ANK2: variants seen among roughly 807,000 people sequenced by gnomAD.
ANK2 encodes ankyrin 2.
ANK2 carries 83 observed loss-of-function variants against 360.5 expected under a neutral mutation model. The observed-to-expected ratio is 0.23, with a 90% CI of 0.19 to 0.28. The LOEUF is 0.28. ANK2 is among the 10% of genes least tolerant of loss of function. ANK2 has a pLI of 1.00. For synonymous variants in ANK2, 1,740 were observed against 1,759.5 expected (o/e 0.99, Z 0.28); for missense variants, 4,201 against 4,795.7 (o/e 0.88, Z 3.66).
intron 1 of ANK2, among the ~76,000 whole-genome samples, chr4:113,149,862 G>A (rs2096972728): frequency 1.1e-5 from 1 of 89,944 alleles, no homozygotes; most frequent in Non-Finnish European, 1.9e-5. Context: ...GCGTGAGAGT[G>A]AGACCCTGCC....
intron 1 of ANK2, among the ~76,000 whole-genome samples, chr4:113,078,713 A>T (rs1488864743): frequency 6.6e-6 from 1 of 152,212 alleles, no homozygotes; most frequent in Non-Finnish European, 1.5e-5. Flanking sequence ...CCTCCCAGGT[A>T]GGCTGAATGC....
intron 3 of ANK2, among the ~76,000 whole-genome samples, chr4:113,196,724 G>A (rs1418698140): frequency 6.6e-6 from 1 of 151,956 alleles, no homozygotes; most frequent in Non-Finnish European, 1.5e-5. Flanking sequence ...TATAAATGAG[G>A]TCTTGCTATG....
At position 113,353,984 on chromosome 4, in the gene ANK2, T is replaced by G. The variant is rs2095574963; in HGVS notation, c.5366T>G (p.Ile1789Ser). The G allele has an allele frequency of 6.2e-7, 1 of 1,613,768 alleles. No individual in the cohort carries two copies. The highest frequency in any genetic ancestry group is 1.3e-5 in the African/African-American group (1 of 74,816). ...DEQKGRSKLP[I>S]RVKGKEDVPK... ...CAGAAAGGTCGAAGCAAGTTGCCCA[T>G]CAGAGTCAAAGGCAAGGAGGACGTG... The change falls in exon 38 of 46, where the codon ATC becomes AGC. Residue 1789 changes from isoleucine (I) to serine (S), a missense_variant. By Grantham distance (142) the Ile-to-Ser change is moderately radical. Coordinates refer to ENST00000357077, the MANE Select transcript of ANK2 (RefSeq NM_001148.6).
rs2069014217 is a variant in ANK2, at chr4:113,293,460, G to T, written c.2397G>T (p.Ala799=). The change falls in exon 22 of 46, where the codon GCG becomes GCT. Residue 799 remains alanine, a synonymous_variant. Transcript: ENST00000357077. ...TTCAGAATGGCAACACTGCCTTGGC[G>T]ATTGCTAAGCGTCTGGGCTACATCT... ...ATTANGNTAL[A]IAKRLGYISV... 6.2e-7 allele frequency: 1 copy of T among 1,613,664 alleles called. No homozygotes were observed. The highest frequency in any genetic ancestry group is 8.5e-7 in the Non-Finnish European group (1 of 1,179,986).
At chr4:113,338,289 T>C (rs1401516751) in intron 31 of ANK2, among the ~76,000 whole-genome samples, 1 of 152,126 alleles carries the variant, frequency 6.6e-6, no homozygotes, top group Non-Finnish European at 1.5e-5. Context: ...TTTGTCCTTA[T>C]CTATGTGATC....
At chr4:113,034,177 A>G (rs1278887293) in intron 2 of ANK2, 1 of 152,018 alleles carries the variant, frequency 6.6e-6, no homozygotes, top group Middle Eastern at 3.2e-3. Flanking sequence ...GAACACCTTA[A>G]GGATGACGAT....
chr4:112,899,198 G>A (rs959927260), intron 1 of ANK2, among the ~76,000 whole-genome samples: 1 of 152,262 alleles, frequency 6.6e-6, no homozygotes, highest in Non-Finnish European at 1.5e-5. Context: ...AATAATGAAA[G>A]TTAGGAAAGT....
intron 5 of ANK2, among the ~76,000 whole-genome samples, chr4:113,233,104 CTGTTTTTTTTTTTTTTTTTTTTT>C (rs2099331357): frequency 1.7e-4 from 5 of 29,302 alleles, no homozygotes; most frequent in African/African-American, 2.8e-4. Flanking sequence ...CTTGGCTTTT[CTGTTTTTTTTTTTTTTTTTTTTT>C]TTTTTTTTTT....
chr4:112,969,345 T>G (rs79527614), intron 2 of ANK2, among the ~76,000 whole-genome samples: 1 of 152,218 alleles, frequency 6.6e-6, no homozygotes, highest in Non-Finnish European at 1.5e-5. Context: ...TGACTACCTA[T>G]CTACAGGCAT....
chr4:112,950,800 C>T (rs903896340), intron 2 of ANK2, among the ~76,000 whole-genome samples: 14 of 149,362 alleles, frequency 9.4e-5, no homozygotes, highest in African/African-American at 3.0e-4. Context: ...ATGTGTGCCT[C>T]GGCCGGGCGC....
At chr4:112,889,596 C>G (rs554545494) in intron 1 of ANK2, among the ~76,000 whole-genome samples, 1 of 144,996 alleles carries the variant, frequency 6.9e-6, no homozygotes, top group South Asian at 2.2e-4. Flanking sequence ...TAATTATTTT[C>G]TTAAAAAATG....
At chr4:112,783,022 G>A in the ANK2 span, among the ~76,000 whole-genome samples, 4 of 151,984 alleles carry the variant, frequency 2.6e-5, 1 homozygote, top group Admixed American at 2.0e-4. Flanking sequence ...TGATTCTCTT[G>A]CTTCAGCCTC....
At chr4:113,135,108 T>C (rs1481430639) in intron 1 of ANK2, among the ~76,000 whole-genome samples, 2 of 152,044 alleles carry the variant, frequency 1.3e-5, no homozygotes, top group African/African-American at 4.8e-5. Flanking sequence ...TTTCTGTGAG[T>C]ATTTATTGTA....
chr4:113,344,142 A>G (rs748310315), intron 34 of ANK2, among the ~76,000 whole-genome samples: 31 of 152,298 alleles, frequency 2.0e-4, no homozygotes, highest in Non-Finnish European at 3.7e-4. Context: ...TAATGGATCC[A>G]TTTAACATAG....
intron 2 of ANK2, among the ~76,000 whole-genome samples, chr4:112,991,619 C>CTTTTTT (rs35505334): frequency 2.6e-4 from 33 of 125,794 alleles, no homozygotes; most frequent in Non-Finnish European, 3.5e-4. Context: ...TTCTTTCTTT[C>CTTTTTT]TTTTTTTTTT....
intron 1 of ANK2, chr4:112,881,688 C>CA: frequency 2.0e-6 from 1 of 493,068 alleles, no homozygotes; most frequent in Non-Finnish European, 3.7e-6. Flanking sequence ...TAGTCACAAA[C>CA]ACAGTTCTCG....
At chr4:112,821,103 C>T (rs554224690) in intron 1 of ANK2, among the ~76,000 whole-genome samples, 111 of 152,024 alleles carry the variant, frequency 7.3e-4, no homozygotes, top group African/African-American at 2.6e-3. Flanking sequence ...TTAGTAGAGA[C>T]GGGGTTTCTC....
intron 24 of ANK2, among the ~76,000 whole-genome samples, chr4:113,315,709 T>C (rs185499690): frequency 1.0e-3 from 156 of 152,026 alleles, no homozygotes; most frequent in South Asian, 4.6e-3. Flanking sequence ...CCATCCTGGC[T>C]AACACGGTGA....
chr4:113,237,371 T>C (rs886355251), intron 6 of ANK2, among the ~76,000 whole-genome samples, 199 bp downstream of exon 6: 4 of 152,188 alleles, frequency 2.6e-5, no homozygotes, highest in Admixed American at 1.3e-4. Flanking sequence ...CTTTAAAAGA[T>C]GAGGTTGAGC....
Sources: allele counts gnomAD v4.1 joint callset (sites outside exome capture counted in the v4.1 genomes callset), GRCh38; gene constraint gnomAD v4.1.1; transcripts MANE v1.5; gene names NCBI Gene and HGNC (gene_info 2026-07-23, HGNC 2026-07-21).